Variants in SAMD5 observed in about 807,000 individuals in gnomAD.
The protein encoded by SAMD5 is sterile alpha motif domain containing 5.
Under a neutral mutation model 11.3 loss-of-function variants are expected in SAMD5, and 13 were observed. The ratio of observed to expected loss-of-function variants is 1.15; its 90% CI spans 0.75 to 1.83. SAMD5 has a LOEUF of 1.83. SAMD5 is among the 40% of genes most tolerant of loss of function. The pLI is 0.00. For synonymous variants in SAMD5, 129 were observed against 111.3 expected, an observed-to-expected ratio of 1.16 and a Z score of -1.00; for missense variants, 255 against 239.1, an observed-to-expected ratio of 1.07 and a Z score of -0.44.
the SAMD5 span, among the ~76,000 whole-genome samples, chr6:147,773,891 G>A: frequency 1.3e-5 from 2 of 152,158 alleles, no homozygotes; most frequent in Admixed American, 6.6e-5. Context: ...TGCTCAGGCT[G>A]TAGTGCAGTG....
chr6:147,780,480 T>C, the SAMD5 span, among the ~76,000 whole-genome samples: 34 of 152,224 alleles, frequency 2.2e-4, no homozygotes, highest in Admixed American at 4.6e-4. Flanking sequence ...AGTGTTGGGA[T>C]TACAGGCGTG....
At chr6:147,632,811 A>G (rs1355122801) in intron 1 of SAMD5, among the ~76,000 whole-genome samples, 2 of 152,236 alleles carry the variant, frequency 1.3e-5, no homozygotes, top group Non-Finnish European at 2.9e-5. Flanking sequence ...GATTAGTACT[A>G]CTTATAACTT....
chr6:147,839,506 T>TG, the SAMD5 span, among the ~76,000 whole-genome samples: 8 of 152,118 alleles, frequency 5.3e-5, no homozygotes, highest in African/African-American at 1.4e-4. Flanking sequence ...CCCAGCATTT[T>TG]GGGGGGGCTG....
intron 1 of SAMD5, among the ~76,000 whole-genome samples, chr6:147,676,527 C>A (rs1032083472): frequency 3.3e-5 from 5 of 152,078 alleles, no homozygotes; most frequent in Non-Finnish European, 7.3e-5. Context: ...AAAGTCTATA[C>A]CTCTTGTATA....
intron 1 of SAMD5, among the ~76,000 whole-genome samples, chr6:147,663,063 T>G (rs1790669020): frequency 6.6e-6 from 1 of 152,228 alleles, no homozygotes; most frequent in South Asian, 2.1e-4. Context: ...CAATTAAGGC[T>G]TTAGTCAGAA....
At chr6:147,743,467 C>A in the SAMD5 span, 1 of 151,454 alleles carries the variant, frequency 6.6e-6, no homozygotes, top group Non-Finnish European at 1.5e-5. Context: ...CGTGCCACTG[C>A]ACTCCAGCCT....
the SAMD5 span, among the ~76,000 whole-genome samples, chr6:147,909,608 C>CT: frequency 1.3e-5 from 1 of 75,850 alleles, no homozygotes; most frequent in African/African-American, 8.4e-5. Flanking sequence ...TTCTTTCTTT[C>CT]TTTCTTTCTT....
At chr6:147,941,153 C>T in the SAMD5 span, among the ~76,000 whole-genome samples, 35,057 of 151,978 alleles carry the variant, frequency 0.23, 4,621 homozygotes, top group African/African-American at 0.35. Flanking sequence ...TCTGTGTTGT[C>T]TATTTTCAAT....
chr6:147,710,838 A>T (rs1257500046), intron 1 of SAMD5, among the ~76,000 whole-genome samples: 1 of 152,020 alleles, frequency 6.6e-6, no homozygotes, highest in Non-Finnish European at 1.5e-5. Context: ...AAGGGGGACT[A>T]CTATACTTGT....
At chr6:147,932,977 C>T in the SAMD5 span, among the ~76,000 whole-genome samples, 6 of 152,054 alleles carry the variant, frequency 3.9e-5, no homozygotes, top group East Asian at 3.9e-4. Context: ...TTTTCATCTC[C>T]GATGAGGAAA....
chr6:147,761,978 C>T, the SAMD5 span, among the ~76,000 whole-genome samples: 1 of 151,708 alleles, frequency 6.6e-6, no homozygotes, highest in Admixed American at 6.6e-5. Context: ...CTTCCAAAGT[C>T]CTGGAATTAC....
the SAMD5 span, among the ~76,000 whole-genome samples, chr6:147,793,407 A>G: frequency 2.0e-5 from 3 of 152,194 alleles, no homozygotes; most frequent in Non-Finnish European, 4.4e-5. Context: ...TGTGATGACT[A>G]AGTATTATGT....
At chr6:147,656,024 T>A (rs1024923718) in intron 1 of SAMD5, among the ~76,000 whole-genome samples, 1 of 151,890 alleles carries the variant, frequency 6.6e-6, no homozygotes, top group Non-Finnish European at 1.5e-5. Flanking sequence ...AACACCAGAG[T>A]CATCTAATTA....
intron 1 of SAMD5, among the ~76,000 whole-genome samples, chr6:147,636,088 T>A (rs112618787): frequency 4.2e-5 from 6 of 143,426 alleles, no homozygotes; most frequent in Non-Finnish European, 8.8e-5. Context: ...AAGACACCCA[T>A]GGGAAAGTCT....
intron 1 of SAMD5, among the ~76,000 whole-genome samples, chr6:147,534,584 G>A (rs1285160723): frequency 6.6e-6 from 1 of 152,192 alleles, no homozygotes; most frequent in African/African-American, 2.4e-5. Context: ...AACTTGGTGG[G>A]AGGGGCGACG....
the SAMD5 span, among the ~76,000 whole-genome samples, chr6:147,750,441 T>C: frequency 2.0e-5 from 3 of 152,170 alleles, no homozygotes; most frequent in Non-Finnish European, 2.9e-5. Flanking sequence ...TTTGTGTCTA[T>C]ATGTATTCAT....
rs1788034089 is a variant in SAMD5, at chr6:147,508,904, C to T, written c.-25C>T. ...GCCATTTGGGCGCTGGGAAGGTGCT[C>T]GGCGGCGGGGTTCCCGGTCCCACCA... is the stretch of plus-strand genomic sequence containing the variant. On this transcript the variant is annotated 5_prime_UTR_variant, in exon 1 of 2. Coordinates refer to ENST00000367474, the MANE Select transcript of SAMD5 (RefSeq NM_001030060.3). 4 of 1,584,154 alleles carry T rather than the reference C, an allele frequency of 2.5e-6. No homozygotes were observed. Among genetic ancestry groups the T allele is most frequent in the African/African-American group, 2.7e-5 (2 of 72,936 alleles).
At position 147,540,933 on chromosome 6, in the gene SAMD5, G is replaced by GTTT. The variant is rs1187718649; in HGVS notation, c.460-23436_460-23434dup. ...CATAGCTGTGGGGTTCAAGCCACGCGTTTTTTTTTTTTTTTTTTTTTTTTT... is the reference window on the plus strand; with the variant it reads ...CATAGCTGTGGGGTTCAAGCCACGCGTTTTTTTTTTTTTTTTTTTTTTTTTTTT... On this transcript the variant is annotated intron_variant, in intron 1 of 1. Transcript: ENST00000367474. 3.6e-4 allele frequency among the ~76,000 whole-genome samples: 23 copies of GTTT among 64,180 alleles called. 3 individuals are homozygous for GTTT. Among genetic ancestry groups the GTTT allele is most frequent in the East Asian group, 2.3e-3 (3 of 1,284 alleles). 42.1% of individuals were successfully genotyped at this position (64,180 alleles called of 152,430 possible).
At chr6:147,622,519 A>G (rs1467630649) in intron 1 of SAMD5, among the ~76,000 whole-genome samples, 1 of 152,200 alleles carries the variant, frequency 6.6e-6, no homozygotes, top group African/African-American at 2.4e-5. Context: ...CAGAATTTAT[A>G]CTAAGTCTCA....
Sources: gnomAD v4.1 joint callset for allele counts (sites outside exome capture counted in the v4.1 genomes callset) on GRCh38, gnomAD v4.1.1 for gene constraint, MANE v1.5 for transcripts, NCBI Gene and HGNC (gene_info 2026-07-23, HGNC 2026-07-21) for gene names.